TEX15: variants seen among roughly 807,000 people sequenced by gnomAD.
TEX15 encodes testis expressed 15, meiosis and synapsis associated, also known as testis-expressed protein 15.
TEX15 carries 171 observed loss-of-function variants against 237.3 expected under a neutral mutation model. The ratio of observed to expected loss-of-function variants is 0.72; its 90% confidence interval spans 0.64 to 0.82. The LOEUF (loss-of-function observed/expected upper bound fraction) is 0.82. Ranked by LOEUF, TEX15 falls within the 40% of genes least tolerant of loss-of-function variation. The probability of loss-of-function intolerance (pLI) is 0.00; values close to 1 mark genes in which losing one functional copy is unlikely to be tolerated. For missense variants in TEX15, 3,750 were observed against 3,646.5 expected (o/e 1.03, Z -0.73); for synonymous variants, 1,338 against 1,269.8 (o/e 1.05, Z -1.14).
intron 3 of TEX15, among the ~76,000 whole-genome samples, chr8:30,882,024 A>G (rs1214818534): frequency 6.6e-6 from 1 of 152,242 alleles, no homozygotes; most frequent in Non-Finnish European, 1.5e-5. Flanking sequence ...CTTCCTTGTT[A>G]GCAATGCTTT....
At chr8:30,909,394 A>AC (rs35046956) in intron 1 of TEX15, among the ~76,000 whole-genome samples, 7,156 of 118,228 alleles carry the variant, frequency 0.061, 327 homozygotes, top group Admixed American at 0.14. Flanking sequence ...TTAAAGACAG[A>AC]CCCCCCCCCG....
intron 10 of TEX15, among the ~76,000 whole-genome samples, chr8:30,835,174 G>A (rs975831242): frequency 7.9e-5 from 12 of 151,896 alleles, no homozygotes; most frequent in African/African-American, 2.4e-4. Flanking sequence ...GCGCGATCTC[G>A]GCTCACTGCA....
Position 30,867,448 on chromosome 8 carries a change from G to A in TEX15, c.357C>T (p.Cys119=). 2.6e-6 allele frequency: 4 copies of A among 1,534,718 alleles called. No individual in the cohort carries two copies. The highest frequency in any genetic ancestry group is 3.5e-6 in the Non-Finnish European group (4 of 1,146,014). The part of the protein sequence containing the change: ...RHCRELEEQF[C]FLALPQSDVA... ...CATCACTCTGGGGAAGTGCTAAAAA[G>A]CAGAACTGTTCTTCAAGTTCCCTGC... Residue 119 remains cysteine (C), a synonymous_variant, in exon 5 of 11, where the codon TGC becomes TGT. Transcript: ENST00000643185.
chr8:30,879,820 G>C (rs1035216448), intron 3 of TEX15, among the ~76,000 whole-genome samples: 5 of 152,014 alleles, frequency 3.3e-5, no homozygotes, highest in African/African-American at 9.7e-5. Flanking sequence ...GCGGGATTTT[G>C]ATAGGAACTG....
At chr8:30,912,474 C>T (rs1809251992) in intron 1 of TEX15, among the ~76,000 whole-genome samples, 1 of 152,224 alleles carries the variant, frequency 6.6e-6, no homozygotes, top group African/African-American at 2.4e-5. Context: ...CGGAGGCCAC[C>T]ACCAAGTTGT....
chr8:30,865,261 A>T (rs1808135430), intron 5 of TEX15, among the ~76,000 whole-genome samples: 1 of 152,126 alleles, frequency 6.6e-6, no homozygotes, highest in South Asian at 2.1e-4. Flanking sequence ...TTGAGACTGA[A>T]CCATGAAGAA....
Position 30,847,444 on chromosome 8 carries a change from T to C in TEX15, c.2723A>G (p.His908Arg), listed in dbSNP as rs1414074851. The C allele has an allele frequency of 6.2e-7, 1 of 1,610,772 alleles. No individual in the cohort carries two copies. Among genetic ancestry groups the C allele is most frequent in the Admixed American group, 1.7e-5 (1 of 59,398 alleles). Reference protein sequence around the residue: ...NIDEKEDKNYHNIEILSSEEF... With the variant: ...NIDEKEDKNYRNIEILSSEEF... The stretch of plus-strand genomic sequence containing the variant: ...TTCAGAACTCAAAATTTCTATATTG[T>C]GGTAATTTTTGTCCTCCTTTTCATC... The change falls in exon 8 of 11, where the codon CAC (histidine) becomes CGC (arginine). Residue 908 changes from histidine (H) to arginine (R), a missense_variant. Coordinates refer to ENST00000643185, the MANE Select transcript of TEX15 (RefSeq NM_001350162.2).
At chr8:30,841,954 T>G (rs1807463851) in intron 8 of TEX15, 50 bp downstream of exon 8, 12 of 1,342,204 alleles carry the variant, frequency 8.9e-6, no homozygotes, top group Non-Finnish European at 1.2e-5. Context: ...ATGAGTAGAC[T>G]TGTTTTCAAA....
intron 7 of TEX15, among the ~76,000 whole-genome samples, chr8:30,853,515 C>A (rs1807835768): frequency 6.6e-6 from 1 of 152,012 alleles, no homozygotes; most frequent in South Asian, 2.1e-4. Context: ...CACAGTATAA[C>A]AACTATTTAC....
At chr8:30,886,982 G>T in intron 3 of TEX15, 185 bp downstream of exon 3, 1 of 460,480 alleles carries the variant, frequency 2.2e-6, no homozygotes, top group Non-Finnish European at 3.7e-6. Context: ...GTACTTAGTG[G>T]GAAGGATGCA....
chr8:30,912,273 T>C (rs1809238149), intron 1 of TEX15, among the ~76,000 whole-genome samples: 2 of 149,974 alleles, frequency 1.3e-5, no homozygotes, highest in Admixed American at 6.6e-5. Flanking sequence ...TTCCCCGCCC[T>C]AGCGCTCCAG....
intron 10 of TEX15, among the ~76,000 whole-genome samples, chr8:30,836,209 T>TTG (rs1807290069): frequency 8.3e-6 from 1 of 119,774 alleles, no homozygotes; most frequent in African/African-American, 3.3e-5. Context: ...TGTATCGTTT[T>TTG]TTTTTTTTTT....
chr8:30,892,460 C>T (rs887142604), intron 2 of TEX15, among the ~76,000 whole-genome samples: 6 of 151,904 alleles, frequency 3.9e-5, no homozygotes, highest in Non-Finnish European at 7.4e-5. Flanking sequence ...CACTTTTATA[C>T]ACATTTTAAA....
intron 1 of TEX15, among the ~76,000 whole-genome samples, chr8:30,911,531 T>C (rs1809219125): frequency 6.6e-6 from 1 of 152,194 alleles, no homozygotes; most frequent in African/African-American, 2.4e-5. Flanking sequence ...AAAAAGCGAA[T>C]AATGGTATCA....
At position 30,882,184 on chromosome 8, in the gene TEX15, T is replaced by C. The variant is rs540929798; in HGVS notation, c.136+4983A>G. The stretch of plus-strand genomic sequence containing the variant: ...GTTTCCCAGGCTGGTCTCAAATTCC[T>C]AGCCTCAAGCAAGCCCCTTGCCCCC... On this transcript the variant is annotated intron_variant, in intron 3 of 10. Coordinates refer to ENST00000643185, the MANE Select transcript of TEX15 (RefSeq NM_001350162.2). Among the ~76,000 whole-genome samples, 22 of 152,368 alleles carry C rather than the reference T, an allele frequency of 1.4e-4. 1 individual carries two copies. The East Asian group carries it at 2.9e-3, about 20-fold the overall frequency.
chr8:30,896,196 TA>T (rs1277975128), intron 2 of TEX15, among the ~76,000 whole-genome samples: 1 of 152,076 alleles, frequency 6.6e-6, no homozygotes, highest in Non-Finnish European at 1.5e-5. Context: ...TAGAAGTTAT[TA>T]AAAAAAGTGT....
intron 1 of TEX15, 138 bp downstream of exon 1, chr8:30,912,741 T>G (rs1809259003): frequency 6.6e-6 from 1 of 152,236 alleles, no homozygotes; most frequent in African/African-American, 2.4e-5. Flanking sequence ...AAAATAAATT[T>G]AATCGGGAAG....
intron 4 of TEX15, 60 bp from the exon 5 acceptor site, chr8:30,867,562 G>A: frequency 1.0e-6 from 1 of 1,003,732 alleles, no homozygotes; most frequent in South Asian, 1.5e-5. Flanking sequence ...TTTTCAAGAA[G>A]ATACATATTT....
chr8:30,843,835 G>C lies in TEX15; in HGVS notation c.6332C>G (p.Ala2111Gly), dbSNP rs1807521636. The stretch of plus-strand genomic sequence containing the variant: ...TCCACGTGGTTTTCCAAGAAGCTCA[G>C]CATACAGTGTTTCATCATACCAAAG... ...SLLWYDETLY[A>G]ELLGKPRGFQ... Residue 2111 changes from alanine (A) to glycine (G), a missense_variant, in exon 8 of 11, where the codon GCT becomes GGT. Coordinates refer to ENST00000643185, the MANE Select transcript of TEX15 (RefSeq NM_001350162.2). 1 of 1,612,790 alleles carries C rather than the reference G, an allele frequency of 6.2e-7. No homozygotes were observed. The highest frequency in any genetic ancestry group is 2.2e-5 in the East Asian group (1 of 44,880).
Sources: gnomAD v4.1 joint callset for allele counts (sites outside exome capture counted in the v4.1 genomes callset) on GRCh38, gnomAD v4.1.1 for gene constraint, MANE v1.5 for transcripts, NCBI Gene and HGNC (gene_info 2026-07-23, HGNC 2026-07-21) for gene names.